The following ERC2 variants were observed in gnomAD, a reference collection of about 807,000 sequenced individuals.
ERC2 encodes the protein ELKS/RAB6-interacting/CAST family member 2, also known as ERC protein 2.
Under a neutral mutation model 114.8 loss-of-function variants are expected in ERC2, and 42 were observed. That is an observed-to-expected ratio of 0.37 (90% CI 0.29 to 0.47). ERC2 has a LOEUF of 0.47. ERC2 is among the 20% of genes least tolerant of loss of function. The pLI is 0.99. For synonymous variants in ERC2, 454 were observed against 425.5 expected (o/e 1.07, Z -0.82); for missense variants, 939 against 1,150.7 (o/e 0.82, Z 2.66).
At position 56,023,182 on chromosome 3, in the gene ERC2, C is replaced by T. The variant is rs1267895611; in HGVS notation, c.1642-4151G>A. Reference sequence around the variant, plus strand: ...CTAACAGCCACAGCCTCCTTGACTCCACATTTGCTCCTCCTTCCATTTGGT... The same window carrying T: ...CTAACAGCCACAGCCTCCTTGACTCTACATTTGCTCCTCCTTCCATTTGGT... On this transcript the variant is annotated intron_variant, in intron 7 of 17. Transcript: ENST00000288221. Among the ~76,000 whole-genome samples, 4 of 152,164 alleles carry T rather than the reference C, an allele frequency of 2.6e-5. No individual in the cohort carries two copies. The East Asian group carries it at 5.8e-4, about 22-fold the overall frequency.
intron 17 of ERC2, among the ~76,000 whole-genome samples, chr3:55,512,462 C>T (rs1344673151): frequency 6.6e-6 from 1 of 152,214 alleles, no homozygotes; most frequent in Non-Finnish European, 1.5e-5. Context: ...CTTTCTGTTT[C>T]ATGAGCTGTG....
intron 14 of ERC2, chr3:55,852,468 T>C (rs2061613987): frequency 6.5e-6 from 1 of 154,494 alleles, no homozygotes; most frequent in Non-Finnish European, 1.5e-5. Context: ...TTCTCCTAGT[T>C]ACAGCTCTAC....
At chr3:56,066,388 A>C (rs1388151049) in intron 7 of ERC2, among the ~76,000 whole-genome samples, 3 of 152,110 alleles carry the variant, frequency 2.0e-5, no homozygotes, top group Non-Finnish European at 4.4e-5. Flanking sequence ...TCCTTTGCCC[A>C]CTTTTTGATG....
At chr3:56,238,378 C>A (rs916694260) in intron 3 of ERC2, among the ~76,000 whole-genome samples, 5 of 152,208 alleles carry the variant, frequency 3.3e-5, no homozygotes, top group Non-Finnish European at 7.3e-5. Flanking sequence ...CACTTAGAAC[C>A]CCTGGAAGGC....
intron 2 of ERC2, among the ~76,000 whole-genome samples, chr3:56,401,010 G>T (rs1255018556): frequency 6.6e-6 from 1 of 152,096 alleles, no homozygotes; most frequent in Non-Finnish European, 1.5e-5. Context: ...TTTCCCACTA[G>T]CAATTGCATG....
At chr3:55,568,298 CT>C (rs904402054) in intron 17 of ERC2, among the ~76,000 whole-genome samples, 6 of 152,152 alleles carry the variant, frequency 3.9e-5, no homozygotes, top group Non-Finnish European at 7.3e-5. Flanking sequence ...CCTGGTTCAA[CT>C]TGGCCGGGGA....
intron 3 of ERC2, among the ~76,000 whole-genome samples, chr3:56,220,346 G>C (rs2049819281): frequency 6.6e-6 from 1 of 152,144 alleles, no homozygotes; most frequent in Non-Finnish European, 1.5e-5. Context: ...ACAGAAAAAT[G>C]GTTTTGGAAA....
chr3:55,876,927 T>A (rs1342432771), intron 14 of ERC2, among the ~76,000 whole-genome samples: 2 of 152,180 alleles, frequency 1.3e-5, no homozygotes, highest in Non-Finnish European at 2.9e-5. Flanking sequence ...CTATACAGAA[T>A]GGGAAGTCCC....
chr3:56,296,118 G>A lies in ERC2; in HGVS notation c.975C>T (p.Asp325=). The A allele has an allele frequency of 6.2e-7, 1 of 1,613,962 alleles. No homozygotes were observed. Among genetic ancestry groups the A allele is most frequent in the Non-Finnish European group, 8.5e-7 (1 of 1,179,872 alleles). ...KGLPSKSLED[D]NERTRRMAEA... The stretch of plus-strand genomic sequence containing the variant: ...CTGCCATCCGCCGCGTTCGCTCATT[G>A]TCATCCTCCAGGCTTTTGGATGGCA... Residue 325 remains aspartate (D), a synonymous_variant, in exon 3 of 18, where the codon GAC becomes GAT. Transcript: ENST00000288221.
chr3:55,575,411 G>A (rs2056926141), intron 17 of ERC2, among the ~76,000 whole-genome samples: 1 of 152,172 alleles, frequency 6.6e-6, no homozygotes, highest in Non-Finnish European at 1.5e-5. Context: ...ATGGGGTCCT[G>A]TTACCAGACT....
In ERC2 at chr3:55,890,510, T is replaced by C. The variant is rs545754808; in HGVS notation, c.2404-1961A>G. The stretch of plus-strand genomic sequence containing the variant: ...CTGCAATCTATAGACACAGAGCTAC[T>C]CAGCTGGGTTTCCAAATCTTAGATC... On this transcript the variant is annotated intron_variant, in intron 13 of 17. Coordinates refer to ENST00000288221, the MANE Select transcript of ERC2 (RefSeq NM_015576.3). Among the ~76,000 whole-genome samples, 19 of 152,334 alleles carry C rather than the reference T, an allele frequency of 1.2e-4. No homozygotes were observed. In the South Asian group the frequency reaches 3.9e-3, roughly 32 times the overall value.
rs561991263 is a variant in ERC2, at chr3:56,165,104, T to G, written c.1149+8342A>C. Among the ~76,000 whole-genome samples, 9 of 151,890 alleles carry G rather than the reference T, an allele frequency of 5.9e-5. No homozygotes were observed. The South Asian group carries it at 1.9e-3, about 32-fold the overall frequency. ...ATCACAAAACAGAACATAATAGAAA[T>G]AGAATATTACCTGTACTTCAGAAAC... On this transcript the variant is annotated intron_variant, in intron 4 of 17. Transcript: ENST00000288221.
At chr3:55,824,602 G>A (rs951896536) in intron 14 of ERC2, among the ~76,000 whole-genome samples, 1 of 152,192 alleles carries the variant, frequency 6.6e-6, no homozygotes, top group Non-Finnish European at 1.5e-5. Flanking sequence ...AGGATTCTGA[G>A]AGTTCCCACA....
intron 2 of ERC2, among the ~76,000 whole-genome samples, chr3:56,338,263 C>T (rs569861207): frequency 6.6e-6 from 1 of 152,188 alleles, no homozygotes; most frequent in African/African-American, 2.4e-5. Flanking sequence ...TTATGCTGTA[C>T]ATTTATGTTT....
chr3:56,467,968 A>T (rs1168213917), intron 1 of ERC2, among the ~76,000 whole-genome samples: 6 of 151,946 alleles, frequency 3.9e-5, no homozygotes, highest in African/African-American at 1.4e-4. Context: ...TGGCCCGGGC[A>T]GCCGGGGCTA....
At position 56,040,585 on chromosome 3, in the gene ERC2, AC is replaced by A. The variant is rs1203938956; in HGVS notation, c.1642-21555del. ...TAGAGATGTATATATGTATACATAT[AC>A]ATATATATCTATATATGTATATATA... On this transcript the variant is annotated intron_variant, in intron 7 of 17. Coordinates refer to ENST00000288221, the MANE Select transcript of ERC2 (RefSeq NM_015576.3). 1.1e-4 allele frequency among the ~76,000 whole-genome samples: 11 copies of A among 99,932 alleles called. No homozygotes were observed. The South Asian group carries it at 2.7e-3, about 25-fold the overall frequency. The allele number at this position is 99,932 out of a possible 152,430, so 65.6% of individuals were successfully genotyped here.
chr3:56,412,142 A>C (rs1319721827), intron 2 of ERC2, among the ~76,000 whole-genome samples: 4 of 152,220 alleles, frequency 2.6e-5, no homozygotes, highest in Admixed American at 2.0e-4. Context: ...TGATACACAC[A>C]AAGGAGAAGG....
chr3:55,602,460 C>A (rs1575728238), intron 17 of ERC2, among the ~76,000 whole-genome samples: 1 of 152,178 alleles, frequency 6.6e-6, no homozygotes, highest in African/African-American at 2.4e-5. Context: ...TTGGAGGAAC[C>A]AGGAAAACAA....
intron 14 of ERC2, among the ~76,000 whole-genome samples, chr3:55,848,444 C>A (rs1170550664): frequency 2.0e-5 from 3 of 152,168 alleles, no homozygotes; most frequent in Non-Finnish European, 2.9e-5. Context: ...TCCTTCACAC[C>A]GCAGAGGCAT....
Sources: gnomAD v4.1 joint callset for allele counts (sites outside exome capture counted in the v4.1 genomes callset) on GRCh38, gnomAD v4.1.1 for gene constraint, MANE v1.5 for transcripts, NCBI Gene and HGNC (gene_info 2026-07-23, HGNC 2026-07-21) for gene names.